TMEM132B: variants seen among roughly 807,000 people sequenced by gnomAD.
TMEM132B encodes the protein transmembrane protein 132B.
TMEM132B carries 18 observed loss-of-function variants against 90.8 expected under a neutral mutation model. That is an observed-to-expected ratio of 0.20 (90% CI 0.14 to 0.29). The LOEUF is 0.29. Ranked by LOEUF, TMEM132B falls within the 10% of genes least tolerant of loss-of-function variation. TMEM132B has a pLI of 1.00. For missense variants in TMEM132B, 1,096 were observed against 1,326.8 expected, an observed-to-expected ratio of 0.83 and a Z score of 2.70; for synonymous variants, 504 against 523.3, an observed-to-expected ratio of 0.96 and a Z score of 0.50.
intron 3 of TMEM132B, among the ~76,000 whole-genome samples, chr12:125,463,370 A>G (rs1294469840): frequency 6.6e-6 from 1 of 151,900 alleles, no homozygotes; most frequent in African/African-American, 2.4e-5. Flanking sequence ...TGTCAGTGTG[A>G]TGTGCATTTC....
At chr12:125,359,525 T>C (rs1037852657) in intron 2 of TMEM132B, among the ~76,000 whole-genome samples, 1 of 152,010 alleles carries the variant, frequency 6.6e-6, no homozygotes, top group East Asian at 1.9e-4. Flanking sequence ...GATAGACAAA[T>C]ATACACTCTG....
At chr12:125,187,746 C>G (rs1309928110) in intron 1 of TMEM132B, among the ~76,000 whole-genome samples, 3 of 152,014 alleles carry the variant, frequency 2.0e-5, no homozygotes, top group East Asian at 3.9e-4. Context: ...CTATAGAAAG[C>G]GTATCCTAAA....
intron 2 of TMEM132B, among the ~76,000 whole-genome samples, chr12:125,381,297 A>T (rs1878673183): frequency 6.6e-6 from 1 of 152,154 alleles, no homozygotes; most frequent in Admixed American, 6.5e-5. Context: ...CCTGACCAGG[A>T]CCTGGGGCCC....
chr12:125,295,544 C>G (rs10846865), intron 1 of TMEM132B, among the ~76,000 whole-genome samples: 5,206 of 83,188 alleles, frequency 0.063, 295 homozygotes, highest in African/African-American at 0.2. Context: ...GAGAGAGAGA[C>G]AGAGACAGAG....
Position 125,657,710 on chromosome 12 carries a change from T to C in TMEM132B, c.*3000T>C, listed in dbSNP as rs1887100725. 1 of 152,206 alleles carries C rather than the reference T, an allele frequency of 6.6e-6. No individual in the cohort carries two copies. The highest frequency in any genetic ancestry group is 2.1e-4 in the South Asian group (1 of 4,832). The allele number at this position is 152,206 out of a possible 1,614,324, so 9.4% of individuals were successfully genotyped here. A position where few individuals can be genotyped will look rare whatever the true frequency, so the allele number is the denominator to read the frequency against. On this transcript the variant is annotated 3_prime_UTR_variant, in exon 9 of 9. Transcript: ENST00000682704. ...AAATTATTAGTCTTGATAAACAACC[T>C]GAACCAAACATTTATAAAGTCCCTT...
intron 3 of TMEM132B, among the ~76,000 whole-genome samples, chr12:125,453,094 C>G (rs1310850738): frequency 5.9e-5 from 9 of 151,746 alleles, no homozygotes; most frequent in African/African-American, 1.9e-4. Context: ...CACACACACA[C>G]ACACACACAC....
At chr12:125,207,338 T>C (rs1178461795) in intron 1 of TMEM132B, among the ~76,000 whole-genome samples, 1 of 152,176 alleles carries the variant, frequency 6.6e-6, no homozygotes, top group Non-Finnish European at 1.5e-5. Flanking sequence ...GTGCCAGGCA[T>C]GCTTGTTGGT....
chr12:125,349,409 C>G lies in TMEM132B; in HGVS notation c.68-43C>G, dbSNP rs559541045. ...CTGCACTGCATTTATTTCATTACATCTCAGAACACGGTTTTATTCTTTTGC... is the reference window on the plus strand; with the variant it reads ...CTGCACTGCATTTATTTCATTACATGTCAGAACACGGTTTTATTCTTTTGC... On this transcript the variant is annotated intron_variant, in intron 1 of 8. Coordinates refer to ENST00000682704, the MANE Select transcript of TMEM132B (RefSeq NM_001366854.1). This position sits in a 1 kb window ranked among gnomAD's most constrained non-coding sequence, Gnocchi z 4.1. 1 of 1,554,732 alleles carries G rather than the reference C, an allele frequency of 6.4e-7. No homozygotes were observed. Among genetic ancestry groups the G allele is most frequent in the Non-Finnish European group, 8.7e-7 (1 of 1,151,708 alleles).
chr12:125,592,722 G>T (rs1309046524), intron 5 of TMEM132B, among the ~76,000 whole-genome samples: 1 of 152,156 alleles, frequency 6.6e-6, no homozygotes, highest in African/African-American at 2.4e-5. Context: ...TTCCTTAAGT[G>T]GTTGTGTTTA....
chr12:125,195,561 G>A (rs947368441), intron 1 of TMEM132B, among the ~76,000 whole-genome samples: 1 of 151,890 alleles, frequency 6.6e-6, no homozygotes, highest in Non-Finnish European at 1.5e-5. Flanking sequence ...ACCATGGCTG[G>A]CTAATTTTTG....
intron 5 of TMEM132B, chr12:125,622,514 G>A: frequency 1.0e-6 from 1 of 985,376 alleles, no homozygotes; most frequent in Non-Finnish European, 1.2e-6. Flanking sequence ...GAAAGGTGTA[G>A]ATCCTGCAGA....
rs113985905 is a variant in TMEM132B at position 125,399,352 on chromosome 12, A to C, written c.960-16179A>C. On this transcript the variant is annotated intron_variant, in intron 2 of 8. Coordinates refer to ENST00000682704, the MANE Select transcript of TMEM132B (RefSeq NM_001366854.1). ...CACCAAATGAGTGGCTAAGTAAAAC[A>C]TGCCGTAGGCTGGGTCCACTTATTT... Among the ~76,000 whole-genome samples, 1,253 of 152,292 alleles carry C rather than the reference A, an allele frequency of 8.2e-3. 23 individuals carry two copies. The highest frequency in any genetic ancestry group is 0.028 in the African/African-American group (1,147 of 41,552).
intron 3 of TMEM132B, among the ~76,000 whole-genome samples, chr12:125,418,564 C>G (rs908577770): frequency 6.6e-6 from 1 of 152,128 alleles, no homozygotes; most frequent in Admixed American, 6.5e-5. Context: ...AGTACAGGCT[C>G]GTGGACCGTG....
chr12:125,472,421 G>T (rs980010986), intron 3 of TMEM132B, among the ~76,000 whole-genome samples: 1 of 152,262 alleles, frequency 6.6e-6, no homozygotes, highest in East Asian at 1.9e-4. Context: ...GTTGGTCTTT[G>T]CAGGGAGCCA....
intron 4 of TMEM132B, among the ~76,000 whole-genome samples, chr12:125,541,141 C>T (rs909849512): frequency 6.6e-6 from 1 of 152,250 alleles, no homozygotes; most frequent in South Asian, 2.1e-4. Context: ...GAACGACCAA[C>T]TCCTTTTATG....
At chr12:125,534,936 C>A (rs1883757912) in intron 4 of TMEM132B, among the ~76,000 whole-genome samples, 1 of 152,224 alleles carries the variant, frequency 6.6e-6, no homozygotes, top group African/African-American at 2.4e-5. Flanking sequence ...GTGGTTACCA[C>A]ATCTGGCAGC....
rs895069274 is a variant in TMEM132B at position 125,490,191 on chromosome 12, G to T, written c.1107-29248G>T. Among the ~76,000 whole-genome samples, 1 of 152,178 alleles carries T rather than the reference G, an allele frequency of 6.6e-6. No homozygotes were observed. Among genetic ancestry groups the T allele is most frequent in the African/African-American group, 2.4e-5 (1 of 41,442 alleles). ...GAATTCTTACTGTGTGCCAGGTACT[G>T]TGTTGAATACTTTACATATATTACT... On this transcript the variant is annotated intron_variant, in intron 3 of 8. Transcript: ENST00000682704. This position sits in a 1 kb window ranked among gnomAD's most constrained non-coding sequence, Gnocchi z 4.2.
intron 4 of TMEM132B, among the ~76,000 whole-genome samples, chr12:125,525,110 A>G (rs1883412555): frequency 6.6e-6 from 1 of 151,858 alleles, no homozygotes; most frequent in Non-Finnish European, 1.5e-5. Flanking sequence ...GGGAGGTGAT[A>G]AGGGGAACAG....
chr12:125,534,872 A>G (rs1883755401), intron 4 of TMEM132B, among the ~76,000 whole-genome samples: 1 of 152,192 alleles, frequency 6.6e-6, no homozygotes, highest in Non-Finnish European at 1.5e-5. Flanking sequence ...TTAAAAATTC[A>G]GTTTCTCAAT....
Sources: gnomAD v4.1 joint callset for allele counts (sites outside exome capture counted in the v4.1 genomes callset) on GRCh38, gnomAD v4.1.1 for gene constraint, Gnocchi (gnomAD v3.1) non-coding constraint, MANE v1.5 for transcripts, NCBI Gene and HGNC (gene_info 2026-07-23, HGNC 2026-07-21) for gene names.